Variants in RAB6B observed in about 807,000 individuals in gnomAD.
The protein encoded by RAB6B is ras-related protein Rab-6B.
A neutral mutation model predicts 31.2 loss-of-function variants in RAB6B; 7 were observed. The observed-to-expected ratio is 0.22, with a 90% CI of 0.13 to 0.42. The LOEUF (loss-of-function observed/expected upper bound fraction) is 0.42, where lower values mean the gene tolerates loss of function less well. Among genes scored for constraint, RAB6B ranks in the 10% least tolerant of loss-of-function variants. RAB6B has a pLI of 1.00. For synonymous variants in RAB6B, 105 were observed against 104.9 expected (o/e 1.00, Z -0.01); for missense variants, 149 against 280.6 (o/e 0.53, Z 3.35).
At chr3:133,830,609 C>T (rs564064670) in intron 7 of RAB6B, among the ~76,000 whole-genome samples, 91 of 152,248 alleles carry the variant, frequency 6.0e-4, no homozygotes, top group African/African-American at 2.1e-3. Context: ...CCAGGGTGCA[C>T]GCATTAGTGG....
chr3:133,882,927 G>A (rs568511428), intron 1 of RAB6B, among the ~76,000 whole-genome samples: 1 of 152,350 alleles, frequency 6.6e-6, no homozygotes, highest in South Asian at 2.1e-4. Context: ...GTTGAATGTA[G>A]GGGAGGGAGG....
chr3:133,840,001 C>A (rs1293930522), intron 4 of RAB6B, among the ~76,000 whole-genome samples: 1 of 152,010 alleles, frequency 6.6e-6, no homozygotes, highest in Non-Finnish European at 1.5e-5. Flanking sequence ...CACACACACA[C>A]ACACATGCGC....
intron 2 of RAB6B, among the ~76,000 whole-genome samples, chr3:133,847,736 C>T (rs1270563259): frequency 6.6e-6 from 1 of 152,210 alleles, no homozygotes; most frequent in Admixed American, 6.5e-5. Flanking sequence ...CACCAATAGC[C>T]ATTTGATTAT....
chr3:133,870,896 G>A (rs1936314397), intron 1 of RAB6B, among the ~76,000 whole-genome samples: 1 of 152,228 alleles, frequency 6.6e-6, no homozygotes, highest in Non-Finnish European at 1.5e-5. Flanking sequence ...TTGGTCCCAT[G>A]TACCCTGGAA....
chr3:133,856,471 C>G lies in RAB6B; in HGVS notation c.129+8113G>C, dbSNP rs573607749. Among the ~76,000 whole-genome samples the G allele has an allele frequency of 8.1e-4, 124 of 152,220 alleles. 3 individuals carry two copies. In the South Asian group the frequency reaches 0.022, roughly 27 times the overall value. ...AAGAGCTTCCCTGGAATCCTTCCCCCCAAGCAGACTGCTGCTTGTGTCTTA... is the reference window on the plus strand; with the variant it reads ...AAGAGCTTCCCTGGAATCCTTCCCCGCAAGCAGACTGCTGCTTGTGTCTTA... On this transcript the variant is annotated intron_variant, in intron 2 of 7. Transcript: ENST00000285208.
chr3:133,864,401 G>A (rs1330222095), intron 2 of RAB6B, among the ~76,000 whole-genome samples, 183 bp downstream of exon 2: 1 of 152,108 alleles, frequency 6.6e-6, no homozygotes, highest in Non-Finnish European at 1.5e-5. Flanking sequence ...ACCGAGGGGT[G>A]GATTTTCAGA....
intron 1 of RAB6B, among the ~76,000 whole-genome samples, chr3:133,866,677 G>A (rs1366619136): frequency 6.6e-6 from 1 of 152,232 alleles, no homozygotes; most frequent in Non-Finnish European, 1.5e-5. Flanking sequence ...GAGAAGTAGG[G>A]GGCCTCCCAT....
chr3:133,841,182 A>G, intron 4 of RAB6B, 103 bp downstream of exon 4: 2 of 1,050,380 alleles, frequency 1.9e-6, no homozygotes, highest in Non-Finnish European at 1.4e-6. Context: ...GCGTGTGCAC[A>G]CACATGCGTG....
intron 2 of RAB6B, among the ~76,000 whole-genome samples, chr3:133,854,163 T>G (rs73861237): frequency 0.01 from 1,536 of 152,302 alleles, 17 homozygotes; most frequent in African/African-American, 0.028. Context: ...GGAACCTTTG[T>G]GGTTGCAATC....
At chr3:133,839,394 T>C in intron 5 of RAB6B, 112 bp downstream of exon 5, 1 of 916,990 alleles carries the variant, frequency 1.1e-6, no homozygotes, top group Non-Finnish European at 1.8e-6. Context: ...CTTTTCCGGA[T>C]GCATGGTCAG....
rs1936533279 is a variant in RAB6B at position 133,885,472 on chromosome 3, C to T, written c.70+9925G>A. On this transcript the variant is annotated intron_variant, in intron 1 of 7. Transcript: ENST00000285208. Reference sequence around the variant, plus strand: ...ACCAGAGGACAGAGGACTTACACACCCAATGACCAGAGGATGGGGGACTCA... The same window carrying T: ...ACCAGAGGACAGAGGACTTACACACTCAATGACCAGAGGATGGGGGACTCA... The T allele has an allele frequency of 7.2e-6, 5 of 697,942 alleles. No individual in the cohort carries two copies. The Admixed American group carries it at 1.0e-4, about 14-fold the overall frequency. 43.2% of individuals were successfully genotyped at this position (697,942 alleles called of 1,614,324 possible). A position where few individuals can be genotyped will look rare whatever the true frequency, so the allele number is the denominator to read the frequency against.
chr3:133,858,104 A>G (rs1192150774), intron 2 of RAB6B, among the ~76,000 whole-genome samples: 1 of 151,798 alleles, frequency 6.6e-6, no homozygotes, highest in African/African-American at 2.4e-5. Flanking sequence ...TCCATGGCGC[A>G]CCCTTCCTAC....
chr3:133,868,289 C>T (rs972976415), intron 1 of RAB6B, among the ~76,000 whole-genome samples: 1 of 152,186 alleles, frequency 6.6e-6, no homozygotes, highest in African/African-American at 2.4e-5. Context: ...TTTCTCAGTC[C>T]CCCAACCATA....
chr3:133,838,359 G>T, intron 5 of RAB6B, 100 bp from the exon 6 acceptor site: 2 of 1,067,608 alleles, frequency 1.9e-6, no homozygotes, highest in Non-Finnish European at 1.5e-6. Context: ...AGCCCACTGG[G>T]CCCTTGGTCA....
chr3:133,894,274 T>C (rs1936676522), intron 1 of RAB6B: 1 of 152,312 alleles, frequency 6.6e-6, no homozygotes, highest in African/African-American at 2.4e-5. Context: ...GCTCAGTTTG[T>C]CTCCCTGCAG....
intron 2 of RAB6B, among the ~76,000 whole-genome samples, chr3:133,857,484 G>A (rs1197515791): frequency 1.3e-5 from 2 of 150,216 alleles, no homozygotes; most frequent in East Asian, 2.0e-4. Flanking sequence ...AATCCTCCTT[G>A]GCGTGTGCCC....
At chr3:133,841,737 G>T in intron 2 of RAB6B, 74 bp from the exon 3 acceptor site, 1 of 1,496,874 alleles carries the variant, frequency 6.7e-7, no homozygotes, top group Non-Finnish European at 9.2e-7. Flanking sequence ...GCGACCACAG[G>T]TGGTGGCATA....
At chr3:133,868,938 G>A (rs1576404923) in intron 1 of RAB6B, among the ~76,000 whole-genome samples, 2 of 152,282 alleles carry the variant, frequency 1.3e-5, no homozygotes, top group Admixed American at 1.3e-4. Flanking sequence ...GCTGGGATAG[G>A]AGCACAGATT....
chr3:133,868,943 C>T (rs1415266102), intron 1 of RAB6B, among the ~76,000 whole-genome samples: 1 of 152,134 alleles, frequency 6.6e-6, no homozygotes, highest in Non-Finnish European at 1.5e-5. Flanking sequence ...GATAGGAGCA[C>T]AGATTTGAGC....
Sources: allele counts gnomAD v4.1 joint callset (sites outside exome capture counted in the v4.1 genomes callset), GRCh38; gene constraint gnomAD v4.1.1; transcripts MANE v1.5; gene names NCBI Gene and HGNC (gene_info 2026-07-23, HGNC 2026-07-21).